The following MMEL1 variants were observed in gnomAD, a reference collection of about 807,000 sequenced individuals.
The protein encoded by MMEL1 is membrane metallo-endopeptidase-like 1.
Under a neutral mutation model 117.1 loss-of-function variants are expected in MMEL1, and 98 were observed. The ratio of observed to expected loss-of-function variants is 0.84; its 90% CI spans 0.71 to 0.99. The LOEUF is 0.99. MMEL1 is among the 50% of genes least tolerant of loss of function. The probability of loss-of-function intolerance (pLI) is 0.00; values close to 1 mark genes in which losing one functional copy is unlikely to be tolerated. For missense variants in MMEL1, 1,014 were observed against 1,049.1 expected (o/e 0.97, Z 0.46); for synonymous variants, 390 against 415.1 (o/e 0.94, Z 0.74).
intron 3 of MMEL1, among the ~76,000 whole-genome samples, chr1:2,611,856 C>T (rs1038380529): frequency 9.2e-5 from 14 of 152,224 alleles, no homozygotes; most frequent in South Asian, 8.3e-4. Context: ...TGCCCTGCCC[C>T]GGCCTGCCCC....
At chr1:2,609,296 C>A (rs779504639) in intron 6 of MMEL1, 43 bp downstream of exon 6, 24 of 1,577,460 alleles carry the variant, frequency 1.5e-5, no homozygotes, top group Non-Finnish European at 2.0e-5. Flanking sequence ...GGCAGCCCGC[C>A]CCCGTCCCCT....
intron 2 of MMEL1, among the ~76,000 whole-genome samples, chr1:2,617,376 G>A (rs528970781): frequency 8.7e-4 from 124 of 143,318 alleles, no homozygotes; most frequent in Non-Finnish European, 1.4e-3. Flanking sequence ...GCAGTGAGCC[G>A]AGATCGCGCC....
chr1:2,593,016 C>A, intron 19 of MMEL1, 50 bp from the exon 20 acceptor site: 1 of 1,596,864 alleles, frequency 6.3e-7, no homozygotes, highest in Non-Finnish European at 8.5e-7. Context: ...CTGCACTGTG[C>A]CTGGCCCCAC....
intron 1 of MMEL1, 33 bp from the exon 2 acceptor site, chr1:2,629,554 G>T: frequency 7.2e-7 from 1 of 1,384,504 alleles, no homozygotes; most frequent in Non-Finnish European, 9.3e-7. Flanking sequence ...AGGGGAGAGG[G>T]GCGTGGAGCT....
At chr1:2,609,634 C>T (rs781011471) in intron 5 of MMEL1, 36 bp downstream of exon 5, 3 of 1,586,032 alleles carry the variant, frequency 1.9e-6, no homozygotes, top group South Asian at 2.3e-5. Flanking sequence ...TCCTGTTCGG[C>T]GTCACCCCAC....
intron 16 of MMEL1, 67 bp from the exon 17 acceptor site, chr1:2,594,960 C>G (rs1355368321): frequency 1.4e-6 from 2 of 1,391,444 alleles, no homozygotes; most frequent in Non-Finnish European, 2.0e-6. Flanking sequence ...GGGGAGAGGT[C>G]CTGGGTGGTT....
chr1:2,611,955 T>C (rs1318031788), intron 3 of MMEL1, among the ~76,000 whole-genome samples, 172 bp downstream of exon 3: 1 of 152,192 alleles, frequency 6.6e-6, no homozygotes, highest in Non-Finnish European at 1.5e-5. Context: ...GCCTCCTGCG[T>C]CCAGCAGGTG....
At chr1:2,631,850 C>A (rs1236937325) in intron 1 of MMEL1, among the ~76,000 whole-genome samples, 1 of 152,206 alleles carries the variant, frequency 6.6e-6, no homozygotes, top group Non-Finnish European at 1.5e-5. Flanking sequence ...CTGCCACTCG[C>A]TGCCTGTTCC....
chr1:2,592,055 C>G, intron 21 of MMEL1, 28 bp from the exon 22 acceptor site: 1 of 1,585,606 alleles, frequency 6.3e-7, no homozygotes, highest in Non-Finnish European at 8.7e-7. Context: ...GAGCTGAGCT[C>G]AGGCCTGCCA....
At chr1:2,630,862 T>C (rs1425260981) in intron 1 of MMEL1, among the ~76,000 whole-genome samples, 1 of 147,430 alleles carries the variant, frequency 6.8e-6, no homozygotes, top group African/African-American at 2.5e-5. Context: ...GTGCGTGTAC[T>C]CTCGTGTGTG....
chr1:2,613,742 T>A (rs1290716947), intron 2 of MMEL1, among the ~76,000 whole-genome samples: 1 of 151,978 alleles, frequency 6.6e-6, no homozygotes, highest in Non-Finnish European at 1.5e-5. Context: ...TTCCAGCTAC[T>A]TGGGAGGCTG....
At chr1:2,591,906 G>A (rs1644723079) in intron 22 of MMEL1, 26 bp downstream of exon 22, 2 of 1,602,370 alleles carry the variant, frequency 1.2e-6, no homozygotes, top group African/African-American at 1.3e-5. Flanking sequence ...GCATGGGGAT[G>A]GTGGGACCAG....
chr1:2,621,044 G>A (rs1036487218), intron 2 of MMEL1, among the ~76,000 whole-genome samples: 2 of 152,212 alleles, frequency 1.3e-5, no homozygotes, highest in African/African-American at 4.8e-5. Context: ...CAGCACTTTG[G>A]GAGGCTGAGG....
intron 11 of MMEL1, among the ~76,000 whole-genome samples, chr1:2,600,677 C>T: frequency 7.3e-6 from 1 of 137,098 alleles, no homozygotes; most frequent in East Asian, 2.1e-4. Flanking sequence ...CAGAGTGAGA[C>T]CCTGTCTCAA....
chr1:2,619,566 G>A (rs1198810298), intron 2 of MMEL1, among the ~76,000 whole-genome samples: 7 of 151,048 alleles, frequency 4.6e-5, no homozygotes, highest in Admixed American at 2.0e-4. Flanking sequence ...GCTGAGGCAT[G>A]AGAATCACTT....
intron 2 of MMEL1, among the ~76,000 whole-genome samples, chr1:2,622,535 T>C (rs537903161): frequency 1.2e-4 from 19 of 152,348 alleles, no homozygotes; most frequent in African/African-American, 4.6e-4. Context: ...TGAGTTAACA[T>C]TGACCATATT....
At chr1:2,593,023 C>T in intron 19 of MMEL1, 57 bp from the exon 20 acceptor site, 1 of 1,586,214 alleles carries the variant, frequency 6.3e-7, no homozygotes, top group Non-Finnish European at 8.6e-7. Context: ...GTGCCTGGCC[C>T]CACGGCAGCC....
At chr1:2,630,447 CGTGTGTGTGCGCTCTGGTGTGTGCAT>C (rs1557565382) in intron 1 of MMEL1, among the ~76,000 whole-genome samples, 1 of 152,004 alleles carries the variant, frequency 6.6e-6, no homozygotes, top group Non-Finnish European at 1.5e-5. Flanking sequence ...TGAGCGTGAA[CGTGTGTGTGCGCTCTGGTGTGTGCAT>C]GTGTGTGTGT....
Position 2,608,914 on chromosome 1 carries a change from T to C in MMEL1, c.535+425A>G, listed in dbSNP as rs149089490. ...ATAGATACATGCATGAACACATATA[T>C]ACACATACACGTATACACATATACA... On this transcript the variant is annotated intron_variant, in intron 6 of 23. Transcript: ENST00000378412. Among the ~76,000 whole-genome samples, 19 of 81,540 alleles carry C rather than the reference T, an allele frequency of 2.3e-4. 1 individual carries two copies. Among genetic ancestry groups the C allele is most frequent in the Admixed American group, 1.9e-3 (16 of 8,504 alleles). The allele number at this position is 81,540 out of a possible 152,430, so 53.5% of individuals were successfully genotyped here. A position where few individuals can be genotyped will look rare whatever the true frequency, so the allele number is the denominator to read the frequency against.
Sources: allele counts gnomAD v4.1 joint callset (sites outside exome capture counted in the v4.1 genomes callset), GRCh38; gene constraint gnomAD v4.1.1; transcripts MANE v1.5; gene names NCBI Gene and HGNC (gene_info 2026-07-23, HGNC 2026-07-21).